COL17A1: variants seen among roughly 807,000 people sequenced by gnomAD.
The protein encoded by COL17A1 is collagen alpha-1(XVII) chain.
A neutral mutation model predicts 218.4 loss-of-function variants in COL17A1; 181 were observed. The observed-to-expected ratio is 0.83, with a 90% CI of 0.73 to 0.94. COL17A1 has a LOEUF of 0.94. COL17A1 is among the 40% of genes least tolerant of loss of function. COL17A1 has a pLI of 0.00. For missense variants in COL17A1, 1,924 were observed against 1,945.9 expected, an observed-to-expected ratio of 0.99 and a Z score of 0.21; for synonymous variants, 721 against 731.0, an observed-to-expected ratio of 0.99 and a Z score of 0.22.
At chr10:104,076,881 T>C (rs906830901) in intron 4 of COL17A1, among the ~76,000 whole-genome samples, 1 of 152,178 alleles carries the variant, frequency 6.6e-6, no homozygotes, top group Non-Finnish European at 1.5e-5. Context: ...CTTTGCTTTG[T>C]TTTGTTTTAG....
At chr10:104,060,734 A>T (rs1283258266) in intron 13 of COL17A1, among the ~76,000 whole-genome samples, 5 of 152,108 alleles carry the variant, frequency 3.3e-5, no homozygotes, top group African/African-American at 9.7e-5. Flanking sequence ...TCTCTACCAC[A>T]TTACTTATTG....
intron 16 of COL17A1, among the ~76,000 whole-genome samples, chr10:104,057,836 G>A (rs2086545432): frequency 6.6e-6 from 1 of 152,078 alleles, no homozygotes; most frequent in South Asian, 2.1e-4. Context: ...GAGCTGCTGT[G>A]TAAAGACACA....
chr10:104,072,229 T>C (rs2086675476), intron 7 of COL17A1, 150 bp from the exon 8 acceptor site: 1 of 1,234,920 alleles, frequency 8.1e-7, no homozygotes, highest in Non-Finnish European at 1.1e-6. Flanking sequence ...CCAAGAAGAG[T>C]GCTGCTTAAA....
Position 104,041,535 on chromosome 10 carries a change from A to G in COL17A1, c.2555T>C (p.Val852Ala), listed in dbSNP as rs779491556. 2.4e-5 allele frequency: 39 copies of G among 1,612,786 alleles called. No individual in the cohort carries two copies. The South Asian group carries it at 4.1e-4, about 17-fold the overall frequency. The change falls in exon 37 of 56, where the codon GTT becomes GCT. Residue 852 changes from valine (V) to alanine (A), a missense_variant. Coordinates refer to ENST00000648076, the MANE Select transcript of COL17A1 (RefSeq NM_000494.4). Reference protein sequence around the residue: ...GPAGLPGHQEVLNLQGPPGPP... With the variant: ...GPAGLPGHQEALNLQGPPGPP... ...GCCTGGGGGACCTTGTAAATTAAGA[A>G]CTTCTATAGAGAGAAGAAAATAGAA... is the stretch of plus-strand genomic sequence containing the variant.
At chr10:104,055,481 C>CAA (rs1554849277) in intron 18 of COL17A1, 80 bp from the exon 19 acceptor site, 8 of 1,498,038 alleles carry the variant, frequency 5.3e-6, no homozygotes, top group Admixed American at 3.4e-5. Context: ...CACACACACA[C>CAA]AATAAGGGGA....
At position 104,064,503 on chromosome 10, in the gene COL17A1, T is replaced by C. The variant is rs759648312; in HGVS notation, c.701A>G (p.Tyr234Cys). ...GCTCTGGGTTGTCATGTTGTTGTGATAGGTCCCCATGGAGGACCCCGCGGG... is the reference window on the plus strand; with the variant it reads ...GCTCTGGGTTGTCATGTTGTTGTGACAGGTCCCCATGGAGGACCCCGCGGG... ...TLPAGSSMGTYHNNMTTQSSS... is the reference protein window; with the variant it reads ...TLPAGSSMGTCHNNMTTQSSS... Residue 234 changes from tyrosine to cysteine, a missense_variant, in exon 10 of 56, where the codon TAT becomes TGT. Tyr to Cys is a radical substitution (Grantham distance 194). Coordinates refer to ENST00000648076, the MANE Select transcript of COL17A1 (RefSeq NM_000494.4). 2.5e-6 allele frequency: 4 copies of C among 1,614,132 alleles called. No homozygotes were observed. The highest frequency in any genetic ancestry group is 2.7e-5 in the African/African-American group (2 of 75,022).
chr10:104,078,590 G>A lies in COL17A1; in HGVS notation c.53-4C>T, dbSNP rs561280057. On this transcript the variant is annotated splice_polypyrimidine_tract_variant and splice_region_variant and intron_variant, in intron 2 of 55. Coordinates refer to ENST00000648076, the MANE Select transcript of COL17A1 (RefSeq NM_000494.4). ...GTGGTTACTGTTTCAGTGACAACTA[G>A]AAAAAGACAAAGAAAAGATGAGTTC... 35 of 1,613,994 alleles carry A rather than the reference G, an allele frequency of 2.2e-5. No individual in the cohort carries two copies. In the Middle Eastern group the frequency reaches 1.5e-3, roughly 68 times the overall value.
intron 2 of COL17A1, among the ~76,000 whole-genome samples, chr10:104,079,105 G>C (rs1249533210): frequency 6.6e-6 from 1 of 152,200 alleles, no homozygotes; most frequent in East Asian, 1.9e-4. Context: ...GGAGTTGTGG[G>C]AAGGAAGGGT....
rs749771671 is a variant in COL17A1, at chr10:104,034,706, C to T, written c.3681G>A (p.Gly1227=). The T allele has an allele frequency of 6.2e-7, 1 of 1,610,710 alleles. No homozygotes were observed. Among genetic ancestry groups the T allele is most frequent in the South Asian group, 1.1e-5 (1 of 90,116 alleles). The change falls in exon 51 of 56, where the codon GGG becomes GGA. Residue 1227 remains glycine, a synonymous_variant. Transcript: ENST00000648076. ...CCAGGGCTCCTGAGACACCCGGGGG[C>T]CCTCGAGGCCCTGGGGGACCAGGAG... ...PGPPGPPGPR[G]PPGVSGALAT...
intron 53 of COL17A1, 90 bp from the exon 54 acceptor site, chr10:104,033,058 T>G (rs942631190): frequency 1.5e-5 from 23 of 1,541,766 alleles, no homozygotes; most frequent in East Asian, 9.5e-5. Context: ...CACAGAGAGA[T>G]AGTGATGGAG....
rs1254118104 is a variant in COL17A1 at position 104,034,110 on chromosome 10, C to T, written c.3991G>A (p.Ala1331Thr). ...GTGCCATAGGGACCCCTGTCTCCTG[C>T]AGCTTCACCAAAGGCACCGCCTGCA... is the stretch of plus-strand genomic sequence containing the variant. ...LGAGGAFGEA[A>T]GDRGPYGTDI... is the part of the protein sequence containing the mutation. The change falls in exon 52 of 56, where the codon GCA becomes ACA. Residue 1331 changes from alanine (A) to threonine (T), a missense_variant. By Grantham distance (58) the Ala-to-Thr change is moderately conservative. Transcript: ENST00000648076. 1 of 1,614,110 alleles carries T rather than the reference C, an allele frequency of 6.2e-7. No homozygotes were observed. The highest frequency in any genetic ancestry group is 1.7e-5 in the Admixed American group (1 of 60,038).
intron 48 of COL17A1, among the ~76,000 whole-genome samples, chr10:104,035,778 C>T (rs553475785): frequency 1.5e-5 from 1 of 67,126 alleles, no homozygotes; most frequent in East Asian, 3.9e-4. Flanking sequence ...GTGCTTCATT[C>T]TGTGTGTGTG....
At chr10:104,064,404 G>A (rs1212563495) in intron 10 of COL17A1, 34 bp downstream of exon 10, 1 of 1,613,516 alleles carries the variant, frequency 6.2e-7, no homozygotes, top group African/African-American at 1.3e-5. Flanking sequence ...CCGAGTTCAG[G>A]GGTGAGAGAG....
At chr10:104,043,157 T>A in intron 35 of COL17A1, among the ~76,000 whole-genome samples, 1 of 152,216 alleles carries the variant, frequency 6.6e-6, no homozygotes, top group East Asian at 1.9e-4. Flanking sequence ...GGACTGAGTC[T>A]TCTGATTGGC....
chr10:104,041,592 G>T, intron 36 of COL17A1, 54 bp from the exon 37 acceptor site: 12 of 1,482,296 alleles, frequency 8.1e-6, no homozygotes, highest in Non-Finnish European at 9.4e-6. Context: ...GCTGCTCTCT[G>T]CCACACTTCT....
In COL17A1 at chr10:104,060,210, G is replaced by T. The variant is rs757953052; in HGVS notation, c.1050C>A (p.Asp350Glu). The stretch of plus-strand genomic sequence containing the variant: ...CCATCTCCTTCTTGGCAGGTGTGTT[G>T]TCTTTCTCTAGGATCAGGAACTTGC... ...KDCKFLILEK[D>E]NTPAKKEMEL... Residue 350 changes from aspartate to glutamate, a missense_variant, in exon 14 of 56, where the codon GAC (aspartate) becomes GAA (glutamate). By Grantham distance (45) the Asp-to-Glu change is conservative. Transcript: ENST00000648076. The T allele has an allele frequency of 2.5e-6, 4 of 1,614,064 alleles. No individual in the cohort carries two copies. In the East Asian group the frequency reaches 8.9e-5, roughly 36 times the overall value.
At chr10:104,082,640 C>G (rs536584344) in intron 1 of COL17A1, among the ~76,000 whole-genome samples, 1 of 152,320 alleles carries the variant, frequency 6.6e-6, no homozygotes, top group South Asian at 2.1e-4. Context: ...AAAGTTGCTG[C>G]TGACAGCTAT....
At position 104,048,807 on chromosome 10, in the gene COL17A1, T is replaced by C. The variant is rs141274189; in HGVS notation, c.2227+602A>G. On this transcript the variant is annotated intron_variant, in intron 29 of 55. Coordinates refer to ENST00000648076, the MANE Select transcript of COL17A1 (RefSeq NM_000494.4). ...CCACAGGTAAGGCTTAAACCCTTCT[T>C]GGGTTTGATCCTCAACATGGTCTTT... Among the ~76,000 whole-genome samples the C allele has an allele frequency of 4.4e-3, 664 of 152,116 alleles. 9 individuals are homozygous for C. The highest frequency in any genetic ancestry group is 0.015 in the African/African-American group (627 of 41,482).
In COL17A1 at chr10:104,053,807, G is replaced by A. The variant is rs567799329; in HGVS notation, c.1834+113C>T. 46 of 732,054 alleles carry A rather than the reference G, an allele frequency of 6.3e-5. No homozygotes were observed. The African/African-American group carries it at 7.6e-4, about 12-fold the overall frequency. The allele number at this position is 732,054 out of a possible 1,614,324, so 45.3% of individuals were successfully genotyped here. The stretch of plus-strand genomic sequence containing the variant: ...CAGGGTTTCTCTGTTTGGTTCACTG[G>A]TGTCTCTCCAGAGCCTAAAACAAGG... On this transcript the variant is annotated intron_variant, in intron 22 of 55. Transcript: ENST00000648076.
Sources: gnomAD v4.1 joint callset for allele counts (sites outside exome capture counted in the v4.1 genomes callset) on GRCh38, gnomAD v4.1.1 for gene constraint, MANE v1.5 for transcripts, NCBI Gene and HGNC (gene_info 2026-07-23, HGNC 2026-07-21) for gene names.